Variants in PLCB2 observed in about 807,000 individuals in gnomAD.
PLCB2 encodes 1-phosphatidylinositol 4,5-bisphosphate phosphodiesterase beta-2.
In PLCB2, 115 loss-of-function variants were observed where a neutral mutation model predicts 141.7. The ratio of observed to expected loss-of-function variants is 0.81; its 90% confidence interval spans 0.70 to 0.95. PLCB2 has a LOEUF of 0.95. Among genes scored for constraint, PLCB2 ranks in the 40% least tolerant of loss-of-function variants. The probability of loss-of-function intolerance (pLI) is 0.00; values close to 1 mark genes in which losing one functional copy is unlikely to be tolerated. For missense variants in PLCB2, 1,403 were observed against 1,541.1 expected (o/e 0.91, Z 1.50); for synonymous variants, 603 against 595.6 (o/e 1.01, Z -0.18).
rs1051410279 is a variant in PLCB2, at chr15:40,297,668, T to C, written c.1239-63A>G. ...CAGCACCAACCCTATTATGCATCCT[T>C]TTGTGCCCTTGATGACCCAGATCAG... is the stretch of plus-strand genomic sequence containing the variant. On this transcript the variant is annotated intron_variant, in intron 12 of 31. Coordinates refer to ENST00000260402, the MANE Select transcript of PLCB2 (RefSeq NM_004573.3). This position sits in a 1 kb window ranked among gnomAD's most constrained non-coding sequence, Gnocchi z 4.2. 7.2e-7 allele frequency: 1 copy of C among 1,393,392 alleles called. No individual in the cohort carries two copies. The highest frequency in any genetic ancestry group is 1.4e-5 in the African/African-American group (1 of 71,170). 86.3% of individuals were successfully genotyped at this position (1,393,392 alleles called of 1,614,324 possible).
intron 2 of PLCB2, 52 bp from the exon 3 acceptor site, chr15:40,303,408 A>C: frequency 7.4e-7 from 1 of 1,344,070 alleles, no homozygotes; most frequent in Non-Finnish European, 1.1e-6. Context: ...TGTGGGACAA[A>C]AAGTCCAGGT....
chr15:40,288,891 C>G lies in PLCB2; in HGVS notation c.3382G>C (p.Glu1128Gln), dbSNP rs779144751. The G allele has an allele frequency of 9.3e-6, 15 of 1,613,656 alleles. No homozygotes were observed. The highest frequency in any genetic ancestry group is 1.3e-5 in the African/African-American group (1 of 75,058). The change falls in exon 32 of 32, where the codon GAG becomes CAG. Residue 1128 changes from glutamate to glutamine, a missense_variant. Around this residue, in one of 4 missense-constraint regions of PLCB2, gnomAD observed 132 missense variants for 132.4 expected, o/e 1.00. Transcript: ENST00000260402. The stretch of plus-strand genomic sequence containing the variant: ...GCCTCCAGACCCTTCATCCTGGCCT[C>G]GTACTCTGCCAGCGCCTCCTTCTGG... Reference protein sequence around the residue: ...QFQKEALAEYEARMKGLEAEV... With the variant: ...QFQKEALAEYQARMKGLEAEV...
chr15:40,301,618 A>T (rs1278485375), intron 7 of PLCB2: 4 of 702,794 alleles, frequency 5.7e-6, no homozygotes, highest in Non-Finnish European at 1.0e-5. Flanking sequence ...GGCTGAAAAC[A>T]TTCACGCTCA....
chr15:40,290,143 T>C (rs762410654), intron 29 of PLCB2, 61 bp from the exon 30 acceptor site: 232 of 1,045,032 alleles, frequency 2.2e-4, no homozygotes, highest in Admixed American at 4.1e-4. Flanking sequence ...TAGGGTAACA[T>C]GAAGTCTACG....
chr15:40,284,547 G>A (rs963474539), downstream of PLCB2: 2 of 454,892 alleles, frequency 4.4e-6, no homozygotes, highest in South Asian at 1.6e-5. Flanking sequence ...AAAGAAAGAA[G>A]GAAGGAATCC....
chr15:40,296,458 C>G (rs2040222442), intron 15 of PLCB2, 64 bp downstream of exon 15: 10 of 1,613,102 alleles, frequency 6.2e-6, no homozygotes, highest in Non-Finnish European at 8.5e-6. Flanking sequence ...GGGCCCAAGG[C>G]CCCCATCCAG....
At chr15:40,289,946 AGAGAGAGAGAGAGAGAGAGAGAGTGTGT>A in intron 30 of PLCB2, 51 bp downstream of exon 30, 4 of 221,518 alleles carry the variant, frequency 1.8e-5, no homozygotes, top group South Asian at 4.5e-5. Flanking sequence ...AGAGAGAGAG[AGAGAGAGAGAGAGAGAGAGAGAGTGTGT>A]GTGTGTGTGT....
intron 31 of PLCB2, 86 bp from the exon 32 acceptor site, chr15:40,289,004 C>A: frequency 6.5e-7 from 1 of 1,539,410 alleles, no homozygotes; most frequent in Non-Finnish European, 8.7e-7. Flanking sequence ...CAGGAGATGC[C>A]CAATATCCAT....
rs2040334193 is a variant in PLCB2, at chr15:40,298,259, G to A, written c.1119C>T (p.Thr373=). 6.3e-7 allele frequency: 1 copy of A among 1,587,428 alleles called. No individual in the cohort carries two copies. Among genetic ancestry groups the A allele is most frequent in the African/African-American group, 1.3e-5 (1 of 74,140 alleles). ...TGTCTGTGGTCATGGTGAAGCCATG[G>A]GTGATAATGGGCTCCTCGTCAGGGG... The part of the protein sequence containing the change: ...GKPPDEEPII[T]HGFTMTTDIF... The change falls in exon 11 of 32, where the codon ACC becomes ACT. Residue 373 remains threonine, a synonymous_variant. Coordinates refer to ENST00000260402, the MANE Select transcript of PLCB2 (RefSeq NM_004573.3).
At position 40,291,377 on chromosome 15, in the gene PLCB2, A is replaced by C. The variant is rs1188639296; in HGVS notation, c.2758T>G (p.Trp920Gly). ...GCGCCCCGCTGCAGCAGCTCCTCCCAGCGCCGCGCTCCGCGCCGCTCCAAC... is the reference window on the plus strand; with the variant it reads ...GCGCCCCGCTGCAGCAGCTCCTCCCCGCGCCGCGCTCCGCGCCGCTCCAAC... ...RELERRGARRWEELLQRGAAQ... is the reference protein window; with the variant it reads ...RELERRGARRGEELLQRGAAQ... Residue 920 changes from tryptophan to glycine, a missense_variant, in exon 26 of 32, where the codon TGG (tryptophan) becomes GGG (glycine). Coordinates refer to ENST00000260402, the MANE Select transcript of PLCB2 (RefSeq NM_004573.3). 6.5e-7 allele frequency: 1 copy of C among 1,530,504 alleles called. No homozygotes were observed. Among genetic ancestry groups the C allele is most frequent in the South Asian group, 1.2e-5 (1 of 83,588 alleles). 94.8% of individuals were successfully genotyped at this position (1,530,504 alleles called of 1,614,324 possible).
downstream of PLCB2, chr15:40,285,346 C>T: frequency 5.5e-6 from 1 of 181,098 alleles, no homozygotes; most frequent in Non-Finnish European, 1.1e-5. Flanking sequence ...AGCTTGAAGG[C>T]ATTTACTAGC....
Position 40,298,340 on chromosome 15 carries a change from G to A in PLCB2, c.1038C>T (p.Arg346=). ...AACGGCAGCCAGAGAGCAGCACCTG[G>A]CGGTACATCTCAGCCGAGGAGAGGC... ...FSGLSSAEMY[R]QVLLSGCRCV... Residue 346 remains arginine (R), a synonymous_variant, in exon 11 of 32, where the codon CGC becomes CGT. Coordinates refer to ENST00000260402, the MANE Select transcript of PLCB2 (RefSeq NM_004573.3). The A allele has an allele frequency of 1.2e-6, 2 of 1,604,020 alleles. No individual in the cohort carries two copies. Among genetic ancestry groups the A allele is most frequent in the South Asian group, 2.2e-5 (2 of 90,038 alleles).
rs757585402 is a variant in PLCB2, at chr15:40,294,922, G to T, written c.1906+14C>A. ...ACCAGGGAAGGATTCTTAGGGGCCT[G>T]GGAATGCCCTCACCCATCGTCTGGA... On this transcript the variant is annotated intron_variant, in intron 18 of 31. Transcript: ENST00000260402. 8.7e-6 allele frequency: 14 copies of T among 1,613,882 alleles called. No individual in the cohort carries two copies. The highest frequency in any genetic ancestry group is 1.2e-5 in the Non-Finnish European group (14 of 1,179,926).
chr15:40,289,443 T>C (rs1252255816), intron 30 of PLCB2, 85 bp from the exon 31 acceptor site: 20 of 990,532 alleles, frequency 2.0e-5, no homozygotes, highest in Non-Finnish European at 3.2e-5. Context: ...AGCTAACTAG[T>C]TGTAAGACTT....
downstream of PLCB2, among the ~76,000 whole-genome samples, chr15:40,286,798 A>G (rs2039618194): frequency 6.6e-6 from 1 of 152,210 alleles, no homozygotes; most frequent in Non-Finnish European, 1.5e-5. Context: ...GGAGGCAGGT[A>G]TCTAGGCCTG....
chr15:40,298,558 C>T lies in PLCB2; in HGVS notation c.997+4G>A, dbSNP rs777335943. The T allele has an allele frequency of 6.2e-7, 1 of 1,614,192 alleles. No homozygotes were observed. The highest frequency in any genetic ancestry group is 1.1e-5 in the South Asian group (1 of 91,082). ...AGGTTGGCACCAATGTTATCAGGGC[C>T]CACCTGTCAGGTAGGTGTTGTGGGA... On this transcript the variant is annotated splice_donor_region_variant and intron_variant, in intron 10 of 31. Transcript: ENST00000260402.
chr15:40,292,464 G>A (rs2039992338), intron 21 of PLCB2, 21 bp from the exon 22 acceptor site: 1 of 1,563,386 alleles, frequency 6.4e-7, no homozygotes, highest in Non-Finnish European at 8.8e-7. Context: ...GGACAGGGTA[G>A]GCAGTGAGCC....
downstream of PLCB2, among the ~76,000 whole-genome samples, chr15:40,287,545 G>A (rs531882485): frequency 5.9e-5 from 9 of 152,252 alleles, no homozygotes; most frequent in South Asian, 1.9e-3. Flanking sequence ...CAACCACTCT[G>A]TCTTCCTAAA....
In PLCB2 at chr15:40,299,054, G is replaced by T. The variant is rs72731486; in HGVS notation, c.683+74C>A. ...TGTCCAGTGAAGCCTCCTGACTCCCGGCATGGCAGGTGGGAGGAGGGGATT... is the reference window on the plus strand; with the variant it reads ...TGTCCAGTGAAGCCTCCTGACTCCCTGCATGGCAGGTGGGAGGAGGGGATT... On this transcript the variant is annotated intron_variant, in intron 8 of 31. Coordinates refer to ENST00000260402, the MANE Select transcript of PLCB2 (RefSeq NM_004573.3). 969 of 1,569,240 alleles carry T rather than the reference G, an allele frequency of 6.2e-4. 15 individuals are homozygous for T. The South Asian group carries it at 0.01, about 16-fold the overall frequency.
Sources: gnomAD v4.1 joint callset for allele counts (sites outside exome capture counted in the v4.1 genomes callset) on GRCh38, gnomAD v4.1.1 for gene constraint, gnomAD v4.1.1 regional missense constraint, Gnocchi (gnomAD v3.1) non-coding constraint, MANE v1.5 for transcripts, NCBI Gene and HGNC (gene_info 2026-07-23, HGNC 2026-07-21) for gene names.